WWOX: variants seen among roughly 807,000 people sequenced by gnomAD.
WWOX encodes the protein WW domain-containing oxidoreductase.
Under a neutral mutation model 46.2 loss-of-function variants are expected in WWOX, and 69 were observed. The observed-to-expected ratio is 1.49, with a 90% CI of 1.23 to 1.82. WWOX has a LOEUF of 1.82. Ranked by LOEUF, WWOX falls within the 40% of genes most tolerant of loss-of-function variation. The pLI, the probability that WWOX is intolerant of heterozygous loss-of-function variation, is 0.00. For missense variants in WWOX, 919 were observed against 542.6 expected (o/e 1.69, Z -6.89); for synonymous variants, 359 against 202.6 (o/e 1.77, Z -6.56).
chr16:78,792,352 C>A (rs1027733903), intron 8 of WWOX, among the ~76,000 whole-genome samples: 1 of 152,092 alleles, frequency 6.6e-6, no homozygotes, highest in Admixed American at 6.6e-5. Flanking sequence ...GTATCCTTTT[C>A]ATGGTTAAAG....
At chr16:78,735,473 A>G (rs1440290815) in intron 8 of WWOX, among the ~76,000 whole-genome samples, 1 of 151,880 alleles carries the variant, frequency 6.6e-6, no homozygotes, top group Non-Finnish European at 1.5e-5. Context: ...TACAGAGGCA[A>G]GATCCTGTTT....
chr16:78,661,817 G>C (rs1329377539), intron 8 of WWOX, among the ~76,000 whole-genome samples: 1 of 152,214 alleles, frequency 6.6e-6, no homozygotes, highest in Non-Finnish European at 1.5e-5. Flanking sequence ...CCGGTGTATC[G>C]CCTGAGTCCA....
intron 8 of WWOX, among the ~76,000 whole-genome samples, chr16:79,034,962 G>A (rs933525438): frequency 6.6e-6 from 1 of 152,164 alleles, no homozygotes; most frequent in African/African-American, 2.4e-5. Flanking sequence ...GTAAAGGCAA[G>A]TATAAATCAG....
chr16:78,849,161 A>G (rs1473886771), intron 8 of WWOX, among the ~76,000 whole-genome samples: 3 of 152,170 alleles, frequency 2.0e-5, no homozygotes. Flanking sequence ...TAGTTTGGCC[A>G]CTGTTCTGCC....
chr16:79,208,243 C>T (rs1255356437), intron 8 of WWOX, among the ~76,000 whole-genome samples: 4 of 152,198 alleles, frequency 2.6e-5, no homozygotes, highest in East Asian at 3.9e-4. Context: ...AAAGATTCTT[C>T]TGGGCTTCCC....
At chr16:78,848,686 A>T (rs1189510458) in intron 8 of WWOX, among the ~76,000 whole-genome samples, 1 of 152,178 alleles carries the variant, frequency 6.6e-6, no homozygotes, top group African/African-American at 2.4e-5. Context: ...CAGAAAGCAA[A>T]GCCTAGATCA....
intron 8 of WWOX, among the ~76,000 whole-genome samples, chr16:78,593,839 G>A (rs935431623): frequency 6.6e-6 from 1 of 152,100 alleles, no homozygotes; most frequent in Non-Finnish European, 1.5e-5. Context: ...GACATACGAG[G>A]AGTCCCTGGG....
chr16:78,500,926 C>A (rs2738736), intron 8 of WWOX, among the ~76,000 whole-genome samples: 22,342 of 152,094 alleles, frequency 0.15, 1,731 homozygotes, highest in Non-Finnish European at 0.17. Flanking sequence ...TTTCTCTGGA[C>A]GGCCAAGTGA....
intron 6 of WWOX, among the ~76,000 whole-genome samples, chr16:78,411,094 C>G (rs1344462134): frequency 2.0e-5 from 3 of 152,110 alleles, no homozygotes; most frequent in African/African-American, 7.2e-5. Context: ...GTAAACCAAT[C>G]TCAGAAGAAT....
At chr16:78,945,324 C>A (rs926753238) in intron 8 of WWOX, among the ~76,000 whole-genome samples, 7 of 152,152 alleles carry the variant, frequency 4.6e-5, no homozygotes, top group Non-Finnish European at 1.0e-4. Context: ...TTTGATTGAT[C>A]TTCTTAAATG....
At chr16:78,507,993 CGTGCGTGTGTGTGTGT>C (rs1319291739) in intron 8 of WWOX, among the ~76,000 whole-genome samples, 14 of 145,548 alleles carry the variant, frequency 9.6e-5, no homozygotes, top group Non-Finnish European at 2.0e-4. Context: ...TTTTTGGTTG[CGTGCGTGTGTGTGTGT>C]GTGTGTGTGT....
chr16:78,882,861 A>G (rs2044372856), intron 8 of WWOX, among the ~76,000 whole-genome samples: 1 of 151,780 alleles, frequency 6.6e-6, no homozygotes, highest in Non-Finnish European at 1.5e-5. Flanking sequence ...TGCATTTAGC[A>G]AAGACTTCCT....
At chr16:79,032,472 C>G (rs1408096313) in intron 8 of WWOX, among the ~76,000 whole-genome samples, 3 of 144,852 alleles carry the variant, frequency 2.1e-5, no homozygotes, top group Non-Finnish European at 4.5e-5. Context: ...TATAATAAAC[C>G]CATATATAAT....
chr16:78,272,745 T>C (rs2079503877), intron 5 of WWOX, among the ~76,000 whole-genome samples: 1 of 152,022 alleles, frequency 6.6e-6, no homozygotes, highest in African/African-American at 2.4e-5. Context: ...GTAGCAATAA[T>C]GCTAATAGTA....
At chr16:78,979,565 G>C (rs1033614655) in intron 8 of WWOX, among the ~76,000 whole-genome samples, 1 of 152,072 alleles carries the variant, frequency 6.6e-6, no homozygotes, top group Non-Finnish European at 1.5e-5. Context: ...CTCCTGTGAC[G>C]GTTTCTACAG....
intron 8 of WWOX, among the ~76,000 whole-genome samples, chr16:79,045,067 G>A (rs997967213): frequency 1.3e-5 from 2 of 152,214 alleles, no homozygotes; most frequent in African/African-American, 4.8e-5. Flanking sequence ...CTCTGCTCCT[G>A]TCAATCTCTC....
chr16:78,925,838 C>G (rs995114562), intron 8 of WWOX, among the ~76,000 whole-genome samples: 5 of 152,172 alleles, frequency 3.3e-5, no homozygotes, highest in African/African-American at 9.7e-5. Flanking sequence ...AGCCCTAGTT[C>G]TAGCCTACCA....
At chr16:78,794,229 G>C (rs895487159) in intron 8 of WWOX, among the ~76,000 whole-genome samples, 3 of 152,166 alleles carry the variant, frequency 2.0e-5, no homozygotes, top group African/African-American at 7.2e-5. Context: ...AATCTATGAG[G>C]AGGCGGGACT....
chr16:78,794,110 G>A (rs948128386), intron 8 of WWOX, among the ~76,000 whole-genome samples: 13 of 152,182 alleles, frequency 8.5e-5, no homozygotes, highest in Middle Eastern at 3.4e-3. Context: ...AGATGATTTG[G>A]ACATGAAGAC....
Sources: allele counts gnomAD v4.1 joint callset (sites outside exome capture counted in the v4.1 genomes callset), GRCh38; gene constraint gnomAD v4.1.1; transcripts MANE v1.5; gene names NCBI Gene and HGNC (gene_info 2026-07-23, HGNC 2026-07-21).